TMEM231: variants seen among roughly 807,000 people sequenced by gnomAD.
TMEM231 encodes the protein transmembrane protein 231.
TMEM231 carries 40 observed loss-of-function variants against 38.5 expected under a neutral mutation model. The observed-to-expected ratio is 1.04, with a 90% confidence interval of 0.81 to 1.35. The LOEUF (loss-of-function observed/expected upper bound fraction) is 1.35, where lower values mean the gene tolerates loss of function less well. TMEM231 is among the 40% of genes most tolerant of loss of function. The pLI is 0.00. For synonymous variants in TMEM231, 199 were observed against 181.7 expected (o/e 1.10, Z -0.77); for missense variants, 420 against 416.9 (o/e 1.01, Z -0.07).
rs780011037 is a variant in TMEM231, at chr16:75,540,192, G to A, written c.771-18C>T. The A allele has an allele frequency of 1.2e-5, 19 of 1,602,408 alleles. No homozygotes were observed. Among genetic ancestry groups the A allele is most frequent in the Middle Eastern group, 3.3e-4 (2 of 6,034 alleles). On this transcript the variant is annotated intron_variant, in intron 6 of 6. Coordinates refer to ENST00000258173, the MANE Select transcript of TMEM231 (RefSeq NM_001077418.3). ...GCTGATAAGTATGGACAGTTAAGGA[G>A]TGAAGGGCCACATGGTGTTAAGTAT...
At chr16:75,546,407 C>G (rs943184184) in intron 2 of TMEM231, among the ~76,000 whole-genome samples, 1 of 152,120 alleles carries the variant, frequency 6.6e-6, no homozygotes, top group African/African-American at 2.4e-5. Context: ...ATTCCTCCAA[C>G]AAACTCAAAC....
At chr16:75,546,074 T>C (rs3103964) in intron 2 of TMEM231, 120 bp from the exon 3 acceptor site, 10 of 1,549,002 alleles carry the variant, frequency 6.5e-6, no homozygotes, top group Non-Finnish European at 8.7e-6. Flanking sequence ...CATTATCTCC[T>C]CCACTAAAAG....
Position 75,545,342 on chromosome 16 carries a change from G to C in TMEM231, c.582+10C>G. On this transcript the variant is annotated intron_variant, in intron 4 of 6. Transcript: ENST00000258173. The stretch of plus-strand genomic sequence containing the variant: ...AAACAAAGGAGCTGGACAATGAGAA[G>C]CGCTCTTACGTTGTATCGGGCATCT... The C allele has an allele frequency of 6.2e-7, 1 of 1,607,756 alleles. No individual in the cohort carries two copies. Among genetic ancestry groups the C allele is most frequent in the Non-Finnish European group, 8.5e-7 (1 of 1,175,726 alleles).
intron 2 of TMEM231, among the ~76,000 whole-genome samples, chr16:75,553,387 G>C (rs1037798343): frequency 6.6e-6 from 1 of 152,130 alleles, no homozygotes; most frequent in African/African-American, 2.4e-5. Flanking sequence ...GAAAGGCTGA[G>C]GTGAGTGTAT....
In TMEM231 at chr16:75,542,909, A is replaced by G. The variant is rs180907080; in HGVS notation, c.583-226T>C. Among the ~76,000 whole-genome samples the G allele has an allele frequency of 3.2e-3, 480 of 152,286 alleles. 2 individuals carry two copies. The highest frequency in any genetic ancestry group is 0.011 in the African/African-American group (452 of 41,554). On this transcript the variant is annotated intron_variant, in intron 4 of 6. Coordinates refer to ENST00000258173, the MANE Select transcript of TMEM231 (RefSeq NM_001077418.3). ...TTCTTGGTGGCCTACTGCAGTATCA[A>G]TAATCTTCTCTTCAAAGATGAATAA...
At chr16:75,541,083 C>T (rs978704864) in intron 6 of TMEM231, among the ~76,000 whole-genome samples, 5 of 152,204 alleles carry the variant, frequency 3.3e-5, no homozygotes, top group South Asian at 4.2e-4. Context: ...GCACAATCAT[C>T]GCTCACTGCA....
chr16:75,553,499 G>C (rs1170131869), intron 2 of TMEM231, among the ~76,000 whole-genome samples: 3 of 151,732 alleles, frequency 2.0e-5, no homozygotes, highest in Admixed American at 6.6e-5. Flanking sequence ...GTGCATGCCT[G>C]CAGTCCCAGC....
intron 3 of TMEM231, 135 bp downstream of exon 3, chr16:75,545,691 T>C (rs901517924): frequency 7.1e-6 from 4 of 564,982 alleles, no homozygotes; most frequent in Admixed American, 4.0e-5. Context: ...AACCATTCCA[T>C]TGGCCTAAGT....
chr16:75,552,780 C>A (rs2080777025), intron 2 of TMEM231, among the ~76,000 whole-genome samples: 1 of 152,102 alleles, frequency 6.6e-6, no homozygotes, highest in Non-Finnish European at 1.5e-5. Context: ...TACCTGCCTC[C>A]TTGCCAACAG....
At chr16:75,540,764 G>C (rs550970524) in intron 6 of TMEM231, among the ~76,000 whole-genome samples, 48 of 152,298 alleles carry the variant, frequency 3.2e-4, no homozygotes, top group African/African-American at 1.2e-3. Flanking sequence ...CATAAATATG[G>C]ATGATTCTTA....
At chr16:75,551,577 ACTTTT>A (rs1263163897) in intron 2 of TMEM231, among the ~76,000 whole-genome samples, 2 of 152,210 alleles carry the variant, frequency 1.3e-5, no homozygotes, top group African/African-American at 4.8e-5. Flanking sequence ...AAACTATGAC[ACTTTT>A]CTAATCACTT....
intron 2 of TMEM231, chr16:75,546,209 A>C: frequency 9.7e-7 from 1 of 1,026,490 alleles, no homozygotes; most frequent in Non-Finnish European, 1.4e-6. Flanking sequence ...AACAAAAAAC[A>C]TCTGGATAGT....
Position 75,539,046 on chromosome 16 carries a change from C to G in TMEM231, c.*948G>C, listed in dbSNP as rs1038550256. Reference sequence around the variant, plus strand: ...GGGAAACGCCAGCCGCTGGGCTTCCCGCTAGCCTTCCAAATAAACTTGTGG... The same window carrying G: ...GGGAAACGCCAGCCGCTGGGCTTCCGGCTAGCCTTCCAAATAAACTTGTGG... On this transcript the variant is annotated 3_prime_UTR_variant, in exon 7 of 7. Transcript: ENST00000258173. 6 of 152,146 alleles carry G rather than the reference C, an allele frequency of 3.9e-5. No individual in the cohort carries two copies. The highest frequency in any genetic ancestry group is 3.3e-4 in the Admixed American group (5 of 15,270). The allele number at this position is 152,146 out of a possible 1,614,324, so 9.4% of individuals were successfully genotyped here.
Position 75,540,186 on chromosome 16 carries a change from T to C in TMEM231, c.771-12A>G. On this transcript the variant is annotated splice_polypyrimidine_tract_variant and intron_variant, in intron 6 of 6. Coordinates refer to ENST00000258173, the MANE Select transcript of TMEM231 (RefSeq NM_001077418.3). The stretch of plus-strand genomic sequence containing the variant: ...ATCCTGGCTGATAAGTATGGACAGT[T>C]AAGGAGTGAAGGGCCACATGGTGTT... 1 of 1,606,522 alleles carries C rather than the reference T, an allele frequency of 6.2e-7. No homozygotes were observed. Among genetic ancestry groups the C allele is most frequent in the Non-Finnish European group, 8.5e-7 (1 of 1,176,240 alleles).
At chr16:75,551,291 A>G (rs2080758015) in intron 2 of TMEM231, among the ~76,000 whole-genome samples, 1 of 152,060 alleles carries the variant, frequency 6.6e-6, no homozygotes, top group Non-Finnish European at 1.5e-5. Flanking sequence ...TTGACCTCTC[A>G]GGCTCAAGTG....
At position 75,553,807 on chromosome 16, in the gene TMEM231, G is replaced by C. The variant is rs538153828; in HGVS notation, c.309+1997C>G. 6.6e-5 allele frequency among the ~76,000 whole-genome samples: 10 copies of C among 152,150 alleles called. No individual in the cohort carries two copies. The South Asian group carries it at 1.9e-3, about 28-fold the overall frequency. On this transcript the variant is annotated intron_variant, in intron 2 of 6. Coordinates refer to ENST00000258173, the MANE Select transcript of TMEM231 (RefSeq NM_001077418.3). ...CAAAGTGCTAGGATTACAGGTGTGA[G>C]CTATCATTTCTGGCGGCAAATATTT...
rs1489349722 is a variant in TMEM231 at position 75,542,657 on chromosome 16, G to T, written c.609C>A (p.Pro203=). 6.2e-7 allele frequency: 1 copy of T among 1,613,918 alleles called. No individual in the cohort carries two copies. The highest frequency in any genetic ancestry group is 1.7e-5 in the Admixed American group (1 of 60,014). Residue 203 remains proline, a synonymous_variant, in exon 5 of 7, where the codon CCC becomes CCA. Coordinates refer to ENST00000258173, the MANE Select transcript of TMEM231 (RefSeq NM_001077418.3). The part of the protein sequence containing the change: ...YNISVINGTS[P]FAYDYDLTHI... Reference sequence around the variant, plus strand: ...GGGTGAGGTCGTAGTCATAGGCAAAGGGGCTGGTCCCGTTGATCACGGATA... The same window carrying T: ...GGGTGAGGTCGTAGTCATAGGCAAATGGGCTGGTCCCGTTGATCACGGATA...
chr16:75,552,064 T>C (rs1211896695), intron 2 of TMEM231, among the ~76,000 whole-genome samples: 4 of 143,790 alleles, frequency 2.8e-5, no homozygotes, highest in Admixed American at 6.7e-5. Flanking sequence ...AGTAACACTT[T>C]AACTCAGTCA....
At chr16:75,555,125 G>A (rs2080796376) in intron 2 of TMEM231, 1 of 152,286 alleles carries the variant, frequency 6.6e-6, no homozygotes, top group Non-Finnish European at 1.5e-5. Flanking sequence ...TACAAAGGAA[G>A]CATTCGCTTA....
Sources: allele counts gnomAD v4.1 joint callset (sites outside exome capture counted in the v4.1 genomes callset), GRCh38; gene constraint gnomAD v4.1.1; transcripts MANE v1.5; gene names NCBI Gene and HGNC (gene_info 2026-07-23, HGNC 2026-07-21).